DIS3L: variants seen among roughly 807,000 people sequenced by gnomAD.
The protein encoded by DIS3L is DIS3-like exonuclease 1.
A neutral mutation model predicts 120.3 loss-of-function variants in DIS3L; 100 were observed. The ratio of observed to expected loss-of-function variants is 0.83; its 90% CI spans 0.71 to 0.98. The LOEUF (loss-of-function observed/expected upper bound fraction) is 0.98. DIS3L is among the 50% of genes least tolerant of loss of function. The pLI is 0.00. For synonymous variants in DIS3L, 426 were observed against 470.6 expected (o/e 0.91, Z 1.23); for missense variants, 1,196 against 1,314.2 (o/e 0.91, Z 1.39).
intron 7 of DIS3L, 40 bp from the exon 8 acceptor site, chr15:66,318,409 C>T: frequency 6.3e-7 from 1 of 1,594,636 alleles, no homozygotes; most frequent in East Asian, 2.3e-5. Context: ...TAGATGGCAC[C>T]TAACCAGTTA....
intron 10 of DIS3L, 72 bp downstream of exon 10, chr15:66,323,006 G>T: frequency 6.4e-7 from 1 of 1,561,150 alleles, no homozygotes; most frequent in Non-Finnish European, 8.7e-7. Context: ...ACTAGTTTCA[G>T]GTGTTCAAAG....
At chr15:66,332,606 C>T (rs558461086) in intron 15 of DIS3L, 130 bp from the exon 16 acceptor site, 24 of 869,730 alleles carry the variant, frequency 2.8e-5, no homozygotes, top group East Asian at 2.1e-4. Flanking sequence ...GAAATAAATA[C>T]GTGGAGGTAA....
Position 66,295,056 on chromosome 15 carries a change from C to T in DIS3L, c.208C>T (p.Leu70Phe), listed in dbSNP as rs1428403463. 2 of 1,613,988 alleles carry T rather than the reference C, an allele frequency of 1.2e-6. No individual in the cohort carries two copies. Among genetic ancestry groups the T allele is most frequent in the Non-Finnish European group, 1.7e-6 (2 of 1,180,000 alleles). ...IPDWKVVQDY[L>F]EILEFPELKG... ...AGACTGGAAAGTTGTTCAAGATTAT[C>T]TTGAGATCCTTGAGTTTCCTGAGTT... Residue 70 changes from leucine to phenylalanine, a missense_variant, in exon 2 of 17, where the codon CTT becomes TTT. By Grantham distance (22) the Leu-to-Phe change is conservative. Coordinates refer to ENST00000319212, the MANE Select transcript of DIS3L (RefSeq NM_001143688.3).
chr15:66,298,147 C>G (rs945843716), intron 2 of DIS3L, among the ~76,000 whole-genome samples: 1 of 141,586 alleles, frequency 7.1e-6, no homozygotes. Flanking sequence ...CTACAGCACT[C>G]CAGCCTGGGC....
At chr15:66,296,752 T>A (rs2092591174) in intron 2 of DIS3L, among the ~76,000 whole-genome samples, 1 of 152,080 alleles carries the variant, frequency 6.6e-6, no homozygotes, top group African/African-American at 2.4e-5. Flanking sequence ...TTGAACTCCT[T>A]ACCTCATGAT....
intron 4 of DIS3L, among the ~76,000 whole-genome samples, chr15:66,311,022 A>G (rs2092754721): frequency 6.9e-6 from 1 of 144,266 alleles, no homozygotes; most frequent in Non-Finnish European, 1.5e-5. Flanking sequence ...GTACTCCAGC[A>G]TGGGCAACAG....
intron 2 of DIS3L, among the ~76,000 whole-genome samples, chr15:66,300,209 A>C (rs141621708): frequency 1.5e-4 from 23 of 152,384 alleles, no homozygotes; most frequent in African/African-American, 5.5e-4. Flanking sequence ...TTATTCAGCC[A>C]TAAGATGGAA....
At position 66,325,932 on chromosome 15, in the gene DIS3L, A is replaced by G. The variant is rs759142010; in HGVS notation, c.1769A>G (p.Tyr590Cys). The change falls in exon 12 of 17, where the codon TAT becomes TGT. Residue 590 changes from tyrosine to cysteine, a missense_variant. Physicochemically the swap from Tyr to Cys is radical, Grantham distance 194. Coordinates refer to ENST00000319212, the MANE Select transcript of DIS3L (RefSeq NM_001143688.3). ...ATTCGATCAGCATACAAACTGTTCTATGAAGCAGCCCAAGAACTACTGGAT... is the reference window on the plus strand; with the variant it reads ...ATTCGATCAGCATACAAACTGTTCTGTGAAGCAGCCCAAGAACTACTGGAT... Reference protein sequence around the residue: ...TIIRSAYKLFYEAAQELLDGN... With the variant: ...TIIRSAYKLFCEAAQELLDGN... The G allele has an allele frequency of 5.6e-6, 9 of 1,614,254 alleles. No individual in the cohort carries two copies. The highest frequency in any genetic ancestry group is 4.5e-5 in the East Asian group (2 of 44,888).
chr15:66,309,893 G>A (rs1305813513), intron 4 of DIS3L, among the ~76,000 whole-genome samples: 1 of 152,200 alleles, frequency 6.6e-6, no homozygotes, highest in African/African-American at 2.4e-5. Context: ...AATGCTGTCA[G>A]ATCTGCTTAG....
chr15:66,332,708 C>G (rs758134687), intron 15 of DIS3L, 28 bp from the exon 16 acceptor site: 3 of 1,571,454 alleles, frequency 1.9e-6, no homozygotes, highest in Non-Finnish European at 2.6e-6. Context: ...TACATTGTCT[C>G]TGGATTTATA....
intron 1 of DIS3L, chr15:66,294,449 G>A: frequency 1.0e-6 from 1 of 986,196 alleles, no homozygotes; most frequent in Non-Finnish European, 1.2e-6. Context: ...TGTGATTAAG[G>A]TGAACATTTC....
At chr15:66,313,692 C>T (rs567279689) in intron 5 of DIS3L, among the ~76,000 whole-genome samples, 10 of 151,350 alleles carry the variant, frequency 6.6e-5, no homozygotes, top group Non-Finnish European at 1.3e-4. Flanking sequence ...ATTGTGACAC[C>T]GCACTCCTGC....
At chr15:66,306,785 C>G in intron 2 of DIS3L, 39 bp from the exon 3 acceptor site, 2 of 1,611,476 alleles carry the variant, frequency 1.2e-6, no homozygotes, top group Non-Finnish European at 1.7e-6. Flanking sequence ...TGGATGAGTA[C>G]CTGCTTTGTT....
chr15:66,305,667 G>A (rs961805816), intron 2 of DIS3L, among the ~76,000 whole-genome samples: 2 of 152,074 alleles, frequency 1.3e-5, no homozygotes, highest in African/African-American at 4.8e-5. Flanking sequence ...TGGAACTACA[G>A]GCACGTACCA....
intron 7 of DIS3L, among the ~76,000 whole-genome samples, chr15:66,317,486 T>A (rs1252977482): frequency 6.6e-6 from 1 of 152,136 alleles, no homozygotes; most frequent in Middle Eastern, 3.2e-3. Context: ...CAAATAAGGT[T>A]AGCTGGTGAG....
intron 11 of DIS3L, among the ~76,000 whole-genome samples, chr15:66,325,342 C>T (rs572705395): frequency 6.6e-6 from 1 of 152,118 alleles, no homozygotes; most frequent in African/African-American, 2.4e-5. Flanking sequence ...TGCAGTGAGC[C>T]GAGATCGCAC....
At chr15:66,302,041 T>C (rs2092653291) in intron 2 of DIS3L, among the ~76,000 whole-genome samples, 2 of 152,180 alleles carry the variant, frequency 1.3e-5, no homozygotes, top group South Asian at 4.1e-4. Flanking sequence ...GGGTCTGGCT[T>C]GTGGCAGACA....
intron 4 of DIS3L, among the ~76,000 whole-genome samples, chr15:66,311,356 C>T (rs949647593): frequency 6.6e-6 from 1 of 151,792 alleles, no homozygotes; most frequent in African/African-American, 2.4e-5. Context: ...AGAATGAGGT[C>T]TTGTCTCAAA....
At chr15:66,315,006 T>C (rs748616247) in intron 6 of DIS3L, 30 bp from the exon 7 acceptor site, 58 of 1,606,138 alleles carry the variant, frequency 3.6e-5, no homozygotes, top group Non-Finnish European at 4.9e-5. Context: ...CTTGGCTTTA[T>C]GGGTTTTTTC....
Sources: allele counts gnomAD v4.1 joint callset (sites outside exome capture counted in the v4.1 genomes callset), GRCh38; gene constraint gnomAD v4.1.1; transcripts MANE v1.5; gene names NCBI Gene and HGNC (gene_info 2026-07-23, HGNC 2026-07-21).